MBNL2: variants seen among roughly 807,000 people sequenced by gnomAD.
The protein encoded by MBNL2 is muscleblind-like protein 2.
Under a neutral mutation model 41.9 loss-of-function variants are expected in MBNL2, and 17 were observed. The ratio of observed to expected loss-of-function variants is 0.41; its 90% CI spans 0.28 to 0.61. The LOEUF is 0.61. MBNL2 is among the 20% of genes least tolerant of loss of function. The pLI is 0.35. For synonymous variants in MBNL2, 195 were observed against 182.9 expected (o/e 1.07, Z -0.53); for missense variants, 336 against 505.6 (o/e 0.66, Z 3.22).
chr13:97,358,089 T>C (rs1019415796), intron 7 of MBNL2, among the ~76,000 whole-genome samples: 24 of 152,250 alleles, frequency 1.6e-4, no homozygotes, highest in African/African-American at 5.5e-4. Context: ...CTCATATTTT[T>C]ATATTCATTC....
the MBNL2 span, among the ~76,000 whole-genome samples, chr13:97,182,353 A>G: frequency 6.6e-6 from 1 of 152,240 alleles, no homozygotes; most frequent in Non-Finnish European, 1.5e-5. Flanking sequence ...CTGGTGACAG[A>G]TAACAGAACT....
At chr13:97,370,895 T>G (rs2064309384) in intron 8 of MBNL2, among the ~76,000 whole-genome samples, 1 of 151,980 alleles carries the variant, frequency 6.6e-6, no homozygotes, top group Non-Finnish European at 1.5e-5. Context: ...ACAAAAAAAA[T>G]TGGTTGGGGG....
intron 1 of MBNL2, among the ~76,000 whole-genome samples, chr13:97,257,126 A>AC (rs1295198190): frequency 6.6e-6 from 1 of 151,734 alleles, no homozygotes; most frequent in African/African-American, 2.4e-5. Flanking sequence ...TAATCTGCAT[A>AC]CCAGTAAAAG....
chr13:97,347,478 G>A (rs987774225), intron 5 of MBNL2, among the ~76,000 whole-genome samples: 1 of 152,226 alleles, frequency 6.6e-6, no homozygotes, highest in Admixed American at 6.5e-5. Flanking sequence ...CCTTGGAGCA[G>A]CCACGGAGGA....
At chr13:97,358,561 T>C (rs139146327) in intron 7 of MBNL2, among the ~76,000 whole-genome samples, 383 of 152,180 alleles carry the variant, frequency 2.5e-3, no homozygotes, top group African/African-American at 9.0e-3. Context: ...CCCTCCCCCA[T>C]TTGCACCGAC....
At chr13:97,313,715 T>C (rs932553074) in intron 2 of MBNL2, among the ~76,000 whole-genome samples, 3 of 152,194 alleles carry the variant, frequency 2.0e-5, no homozygotes, top group African/African-American at 7.2e-5. Context: ...ATTTTAAGGC[T>C]GAGCTGTAGG....
At chr13:97,210,312 T>C in the MBNL2 span, among the ~76,000 whole-genome samples, 1 of 152,204 alleles carries the variant, frequency 6.6e-6, no homozygotes, top group African/African-American at 2.4e-5. Flanking sequence ...TCTGTGTTTC[T>C]TAGTCAGGGA....
chr13:97,339,934 G>C (rs766515349), intron 3 of MBNL2, among the ~76,000 whole-genome samples: 1 of 150,204 alleles, frequency 6.7e-6, no homozygotes, highest in Non-Finnish European at 1.5e-5. Context: ...TCTAGTAATC[G>C]CAGAAGAGTG....
intron 1 of MBNL2, among the ~76,000 whole-genome samples, chr13:97,250,059 C>G (rs2046227621): frequency 1.3e-5 from 2 of 152,288 alleles, no homozygotes; most frequent in South Asian, 2.1e-4. Context: ...TGGAACTTTC[C>G]AAGATTCTCT....
At chr13:97,261,020 A>G (rs1434487426) in intron 1 of MBNL2, among the ~76,000 whole-genome samples, 1 of 152,030 alleles carries the variant, frequency 6.6e-6, no homozygotes, top group African/African-American at 2.4e-5. Flanking sequence ...ACCCCATCCC[A>G]GTAATCTATC....
intron 4 of MBNL2, 108 bp downstream of exon 4, chr13:97,343,324 A>AACAC: frequency 1.2e-6 from 1 of 808,784 alleles, no homozygotes; most frequent in Non-Finnish European, 2.0e-6. Flanking sequence ...CAGCCATGTA[A>AACAC]ACACACACAC....
At chr13:97,275,249 C>G (rs1013970923) in intron 1 of MBNL2, among the ~76,000 whole-genome samples, 1 of 152,166 alleles carries the variant, frequency 6.6e-6, no homozygotes, top group Non-Finnish European at 1.5e-5. Context: ...AGGAGGGACA[C>G]ATCCCAAATA....
intron 8 of MBNL2, among the ~76,000 whole-genome samples, chr13:97,384,457 C>G (rs1014173661): frequency 6.6e-6 from 1 of 152,158 alleles, no homozygotes. Context: ...CAAGTGTAGC[C>G]TCTCAGGCAA....
intron 1 of MBNL2, among the ~76,000 whole-genome samples, chr13:97,223,943 T>G (rs2041198223): frequency 6.6e-6 from 1 of 152,256 alleles, no homozygotes; most frequent in Non-Finnish European, 1.5e-5. Flanking sequence ...CTTTATGTCC[T>G]GGCCAGGAAC....
At chr13:97,373,450 C>A (rs751710534) in intron 8 of MBNL2, among the ~76,000 whole-genome samples, 1 of 150,678 alleles carries the variant, frequency 6.6e-6, no homozygotes, top group Non-Finnish European at 1.5e-5. Context: ...TTGAAACCTG[C>A]ACAATTTCTT....
the MBNL2 span, among the ~76,000 whole-genome samples, chr13:97,185,274 G>C: frequency 2.0e-5 from 3 of 152,150 alleles, no homozygotes; most frequent in African/African-American, 4.8e-5. Flanking sequence ...TCACTGAATA[G>C]AGAATAACTT....
intron 8 of MBNL2, among the ~76,000 whole-genome samples, chr13:97,390,314 A>G (rs187548370): frequency 1.5e-5 from 2 of 136,816 alleles, no homozygotes; most frequent in Non-Finnish European, 3.1e-5. Context: ...GAGAAATTAT[A>G]CATAACAGGA....
intron 2 of MBNL2, among the ~76,000 whole-genome samples, chr13:97,326,108 G>A (rs1223653051): frequency 1.7e-5 from 2 of 117,930 alleles, no homozygotes; most frequent in East Asian, 5.8e-4. Flanking sequence ...TAGTCCAGGT[G>A]ATGCAGTGGA....
chr13:97,148,227 G>C, the MBNL2 span, among the ~76,000 whole-genome samples: 1 of 152,172 alleles, frequency 6.6e-6, no homozygotes, highest in Non-Finnish European at 1.5e-5. Context: ...TGTATGATTA[G>C]CAAATGTTCT....
Sources: gnomAD v4.1 joint callset for allele counts (sites outside exome capture counted in the v4.1 genomes callset) on GRCh38, gnomAD v4.1.1 for gene constraint, MANE v1.5 for transcripts, NCBI Gene and HGNC (gene_info 2026-07-23, HGNC 2026-07-21) for gene names.